The following AXDND1 variants were observed in gnomAD, a reference collection of about 807,000 sequenced individuals.
AXDND1 encodes the protein axonemal dynein light chain domain-containing protein 1.
A neutral mutation model predicts 137.5 loss-of-function variants in AXDND1; 110 were observed. The ratio of observed to expected loss-of-function variants is 0.80; its 90% CI spans 0.69 to 0.94. The LOEUF is 0.94. Among genes scored for constraint, AXDND1 ranks in the 40% least tolerant of loss-of-function variants. The pLI, the probability that AXDND1 is intolerant of heterozygous loss-of-function variation, is 0.00. For missense variants in AXDND1, 1,191 were observed against 1,169.8 expected (o/e 1.02, Z -0.26); for synonymous variants, 414 against 399.7 (o/e 1.04, Z -0.43).
chr1:179,399,813 A>G (rs913501713), intron 11 of AXDND1, among the ~76,000 whole-genome samples: 1 of 152,218 alleles, frequency 6.6e-6, no homozygotes, highest in African/African-American at 2.4e-5. Flanking sequence ...TGGGCAACAA[A>G]CATATGAAAA....
At chr1:179,380,471 G>A (rs945963805) in intron 6 of AXDND1, among the ~76,000 whole-genome samples, 1 of 152,148 alleles carries the variant, frequency 6.6e-6, no homozygotes, top group Non-Finnish European at 1.5e-5. Context: ...GTAGCCCTCT[G>A]AGCCAGCATC....
At position 179,456,718 on chromosome 1, in the gene AXDND1, C is replaced by G. The variant is rs1032645033; in HGVS notation, c.1798+11514C>G. The G allele has an allele frequency of 8.9e-5, 70 of 782,216 alleles. No individual in the cohort carries two copies. In the African/African-American group the frequency reaches 1.1e-3, roughly 12 times the overall value. 48.5% of individuals were successfully genotyped at this position (782,216 alleles called of 1,614,324 possible). ...AAGTTGTCATTCCCACTGAAACCAC[C>G]TCCATGACCACCACCAAAGTTTCCA... On this transcript the variant is annotated intron_variant, in intron 16 of 25. Transcript: ENST00000367618.
rs551577087 is a variant in AXDND1, at chr1:179,442,676, C to T, written c.1564-2294C>T. Among the ~76,000 whole-genome samples, 467 of 152,268 alleles carry T rather than the reference C, an allele frequency of 3.1e-3. 4 individuals carry two copies. Among genetic ancestry groups the T allele is most frequent in the Admixed American group, 6.2e-3 (95 of 15,294 alleles). The stretch of plus-strand genomic sequence containing the variant: ...CTTCTTTAAAGCACTGCTCTCGGTA[C>T]CTCTTTAGGGCACTGACCTTACATC... On this transcript the variant is annotated intron_variant, in intron 15 of 25. Transcript: ENST00000367618.
At chr1:179,431,251 C>G (rs1251849626) in intron 14 of AXDND1, among the ~76,000 whole-genome samples, 1 of 152,146 alleles carries the variant, frequency 6.6e-6, no homozygotes, top group Non-Finnish European at 1.5e-5. Flanking sequence ...AAGCGATTCT[C>G]CCACCTCAGC....
intron 13 of AXDND1, among the ~76,000 whole-genome samples, 200 bp downstream of exon 13, chr1:179,429,819 T>A (rs1657115414): frequency 1.3e-5 from 2 of 151,694 alleles, no homozygotes; most frequent in Non-Finnish European, 1.5e-5. Context: ...AAGCAATTTA[T>A]TTAAGTTTAA....
chr1:179,483,373 G>A, intron 18 of AXDND1, 152 bp downstream of exon 18: 1 of 502,476 alleles, frequency 2.0e-6, no homozygotes, highest in South Asian at 4.0e-5. Context: ...ATTTTCAATG[G>A]ATTTTTTAAA....
chr1:179,468,604 G>A lies in AXDND1; in HGVS notation c.1960G>A (p.Gly654Ser), dbSNP rs1330135287. 1.2e-6 allele frequency: 2 copies of A among 1,611,802 alleles called. No homozygotes were observed. Among genetic ancestry groups the A allele is most frequent in the African/African-American group, 1.3e-5 (1 of 74,842 alleles). ...CTTGGATATATTGTTAAACCTTACT[G>A]GTATTGTTCCACAGCACATAGATGT... Reference protein sequence around the residue: ...SHLDILLNLTGIVPQHIDVDS... With the variant: ...SHLDILLNLTSIVPQHIDVDS... The change falls in exon 17 of 26, where the codon GGT becomes AGT. Residue 654 changes from glycine (G) to serine (S), a missense_variant. Physicochemically the swap from Gly to Ser is moderately conservative, Grantham distance 56 (BLOSUM62 0). Transcript: ENST00000367618.
intron 25 of AXDND1, among the ~76,000 whole-genome samples, chr1:179,541,171 C>T (rs918622335): frequency 3.5e-4 from 53 of 152,146 alleles, no homozygotes; most frequent in African/African-American, 6.5e-4. Context: ...CTGTGGGTTG[C>T]GAAGACCACG....
intron 20 of AXDND1, among the ~76,000 whole-genome samples, chr1:179,505,609 C>T (rs1371404209): frequency 6.6e-6 from 1 of 150,910 alleles, no homozygotes; most frequent in Non-Finnish European, 1.5e-5. Context: ...GATTGCTCCA[C>T]TGCATTCCAG....
At chr1:179,530,831 A>T (rs941049451) in intron 23 of AXDND1, among the ~76,000 whole-genome samples, 1 of 152,192 alleles carries the variant, frequency 6.6e-6, no homozygotes, top group Non-Finnish European at 1.5e-5. Context: ...TGGTGGCTGG[A>T]GTACTGCACA....
At chr1:179,469,900 T>A (rs1475461449) in intron 17 of AXDND1, among the ~76,000 whole-genome samples, 1 of 152,200 alleles carries the variant, frequency 6.6e-6, no homozygotes, top group Non-Finnish European at 1.5e-5. Context: ...CTTTGCCAAA[T>A]CCAAGGTCAT....
At chr1:179,528,204 T>C in intron 22 of AXDND1, 123 bp from the exon 23 acceptor site, 1 of 649,736 alleles carries the variant, frequency 1.5e-6, no homozygotes, top group Non-Finnish European at 2.7e-6. Flanking sequence ...TCTTGTTGTG[T>C]GATTAAAGGA....
chr1:179,441,582 G>A (rs573962351), intron 15 of AXDND1, among the ~76,000 whole-genome samples: 6 of 152,174 alleles, frequency 3.9e-5, no homozygotes, highest in East Asian at 1.9e-4. Flanking sequence ...GGAATCTGAC[G>A]CTTCACTGCC....
At chr1:179,381,600 T>C (rs1648330477) in intron 6 of AXDND1, among the ~76,000 whole-genome samples, 1 of 151,962 alleles carries the variant, frequency 6.6e-6, no homozygotes, top group Non-Finnish European at 1.5e-5. Flanking sequence ...CACCTCGGCC[T>C]CCCAAAGTGC....
rs572923431 is a variant in AXDND1 at position 179,516,808 on chromosome 1, G to A, written c.2496+7405G>A. On this transcript the variant is annotated intron_variant, in intron 21 of 25. Coordinates refer to ENST00000367618, the MANE Select transcript of AXDND1 (RefSeq NM_144696.6). ...TGCACAGAGTCCTGTGATGTGAACC[G>A]TCTATGGCTCCCTCAGTCGTGGATA... Among the ~76,000 whole-genome samples the A allele has an allele frequency of 1.2e-4, 18 of 152,316 alleles. 1 individual carries two copies. The South Asian group carries it at 3.3e-3, about 28-fold the overall frequency.
chr1:179,465,395 C>G (rs61826026), intron 16 of AXDND1, among the ~76,000 whole-genome samples: 30,714 of 152,162 alleles, frequency 0.2, 3,233 homozygotes, highest in Non-Finnish European at 0.23. Flanking sequence ...CACTCCAGAC[C>G]CTGTTTGCCT....
chr1:179,383,298 A>G (rs1328909182), intron 7 of AXDND1, 144 bp from the exon 8 acceptor site: 5 of 596,720 alleles, frequency 8.4e-6, no homozygotes, highest in Non-Finnish European at 1.5e-5. Flanking sequence ...CCAATAGATT[A>G]ATAGACACAG....
At chr1:179,544,657 G>GAGCA (rs1428868250) in intron 25 of AXDND1, 3 of 104,818 alleles carry the variant, frequency 2.9e-5, no homozygotes, top group African/African-American at 3.7e-5. Flanking sequence ...CTGGGCAACA[G>GAGCA]AGCAAGACTC....
chr1:179,539,775 G>A (rs1465044849), intron 25 of AXDND1, among the ~76,000 whole-genome samples: 1 of 152,110 alleles, frequency 6.6e-6, no homozygotes, highest in African/African-American at 2.4e-5. Context: ...ATAATATCCT[G>A]AAGAGTGTTT....
Sources: allele counts gnomAD v4.1 joint callset (sites outside exome capture counted in the v4.1 genomes callset), GRCh38; gene constraint gnomAD v4.1.1; transcripts MANE v1.5; gene names NCBI Gene and HGNC (gene_info 2026-07-23, HGNC 2026-07-21).